Variants in RNF215 observed in about 807,000 individuals in gnomAD.
RNF215 encodes ring finger protein 215.
Under a neutral mutation model 44.8 loss-of-function variants are expected in RNF215, and 41 were observed. The ratio of observed to expected loss-of-function variants is 0.92; its 90% CI spans 0.71 to 1.19. The LOEUF is 1.19. Ranked by LOEUF, RNF215 falls within the 50% of genes most tolerant of loss-of-function variation. The pLI, the probability that RNF215 is intolerant of heterozygous loss-of-function variation, is 0.00. For missense variants in RNF215, 452 were observed against 496.2 expected, an observed-to-expected ratio of 0.91 and a Z score of 0.85; for synonymous variants, 218 against 230.1, an observed-to-expected ratio of 0.95 and a Z score of 0.48.
At chr22:30,385,113 G>A (rs917362992) in intron 4 of RNF215, among the ~76,000 whole-genome samples, 19 of 151,056 alleles carry the variant, frequency 1.3e-4, no homozygotes, top group African/African-American at 4.4e-4. Flanking sequence ...ATTCCCAGCC[G>A]AGAGGGCAGT....
At position 30,386,646 on chromosome 22, in the gene RNF215, C is replaced by T. The variant is rs1284200020; in HGVS notation, c.399G>A (p.Pro133=). 10 of 1,612,994 alleles carry T rather than the reference C, an allele frequency of 6.2e-6. No individual in the cohort carries two copies. The highest frequency in any genetic ancestry group is 5.1e-6 in the Non-Finnish European group (6 of 1,179,924). Residue 133 remains proline, a synonymous_variant, in exon 2 of 9, where the codon CCG becomes CCA. Transcript: ENST00000382363. ...QFHQENKGSG[P]QAYPKALVQQ... ...GGACCAGGGCCTTGGGATAGGCCTG[C>T]GGGCCACTGCCCTTATTCTCCTGGT...
At chr22:30,385,013 A>G (rs1933576767) in intron 4 of RNF215, among the ~76,000 whole-genome samples, 1 of 151,994 alleles carries the variant, frequency 6.6e-6, no homozygotes, top group South Asian at 2.1e-4. Context: ...GAGTCTTGCC[A>G]TGTTGCCCAG....
rs1358602556 is a variant in RNF215, at chr22:30,379,567, G to T, written c.*33C>A. On this transcript the variant is annotated 3_prime_UTR_variant, in exon 9 of 9. Coordinates refer to ENST00000382363, the MANE Select transcript of RNF215 (RefSeq NM_001017981.2). ...GAGGACCGGGGTGCAGGCAGGAAGG[G>T]TCCATCCCCATGTGCAGAGTCCAGC... 1 of 1,548,670 alleles carries T rather than the reference G, an allele frequency of 6.5e-7. No homozygotes were observed. Among genetic ancestry groups the T allele is most frequent in the Admixed American group, 2.0e-5 (1 of 51,008 alleles).
chr22:30,380,205 C>G lies in RNF215; in HGVS notation c.865G>C (p.Val289Leu). Residue 289 changes from valine to leucine, a missense_variant and splice_region_variant, in exon 7 of 9, where the codon GTG becomes CTG. Val to Leu is a conservative substitution (Grantham distance 32). Transcript: ENST00000382363. This position sits in a 1 kb window ranked among gnomAD's most constrained non-coding sequence, Gnocchi z 5.3. The part of the protein sequence containing the change: ...RQSQRELGGQ[V>L]DLFKRRVVRR... ...ACCACGCGGCGCTTAAACAGGTCCA[C>G]CTGTGGGGAGAGGACGGGCACAGTC... The G allele has an allele frequency of 6.2e-7, 1 of 1,613,644 alleles. No individual in the cohort carries two copies. The highest frequency in any genetic ancestry group is 8.5e-7 in the Non-Finnish European group (1 of 1,179,846).
In RNF215 at chr22:30,380,413, A is replaced by G; in HGVS notation, c.745-12T>C. On this transcript the variant is annotated splice_polypyrimidine_tract_variant and intron_variant, in intron 5 of 8. Transcript: ENST00000382363. The surrounding 1 kb of genome is among the most constrained non-coding windows in gnomAD (Gnocchi z 5.3). ...TGCTGCAGGGGTTTCTGGGGAGGGA[A>G]GCAGTCATCAGGGACATGGGGCCAC... The G allele has an allele frequency of 6.3e-7, 1 of 1,595,626 alleles. No homozygotes were observed. Among genetic ancestry groups the G allele is most frequent in the Non-Finnish European group, 8.5e-7 (1 of 1,170,118 alleles).
In RNF215 at chr22:30,383,443, A is replaced by G. The variant is rs897605118; in HGVS notation, c.744+896T>C. On this transcript the variant is annotated intron_variant, in intron 5 of 8. Coordinates refer to ENST00000382363, the MANE Select transcript of RNF215 (RefSeq NM_001017981.2). ...CCGTCCCTGTTTGCAAATGAGGAAC[A>G]TGAGGCCAGAGAGGTGAAACTCCCA... Among the ~76,000 whole-genome samples, 80 of 152,136 alleles carry G rather than the reference A, an allele frequency of 5.3e-4. 1 individual carries two copies. The highest frequency in any genetic ancestry group is 1.6e-3 in the African/African-American group (65 of 41,436).
chr22:30,385,388 C>G (rs959116610), intron 4 of RNF215, among the ~76,000 whole-genome samples: 55 of 149,646 alleles, frequency 3.7e-4, no homozygotes, highest in African/African-American at 1.3e-3. Context: ...CGCCACTGCA[C>G]TCCAGCCTGG....
chr22:30,383,504 T>C (rs1397911576), intron 5 of RNF215, among the ~76,000 whole-genome samples: 1 of 152,134 alleles, frequency 6.6e-6, no homozygotes, highest in African/African-American at 2.4e-5. Flanking sequence ...CAAGCCAGGA[T>C]TTGATCCCAA....
chr22:30,386,235 T>G, intron 2 of RNF215, 94 bp from the exon 3 acceptor site: 1 of 1,211,198 alleles, frequency 8.3e-7, no homozygotes, highest in Non-Finnish European at 1.2e-6. Flanking sequence ...CTCCTGGCCC[T>G]GCAGTGAGCA....
In RNF215 at chr22:30,379,362, TC is replaced by T. The variant is rs555810597; in HGVS notation, c.*237del. 5.3e-3 allele frequency: 3,100 copies of T among 585,284 alleles called. 116 individuals are homozygous for T. The South Asian group carries it at 0.06, about 11-fold the overall frequency. The allele number at this position is 585,284 out of a possible 1,614,324, so 36.3% of individuals were successfully genotyped here. ...TCACGTCACAGGATTGCAGAGAAGG[TC>T]CCAAAGTGACCTCTCTTCCTTGACT... On this transcript the variant is annotated 3_prime_UTR_variant, in exon 9 of 9. Coordinates refer to ENST00000382363, the MANE Select transcript of RNF215 (RefSeq NM_001017981.2).
chr22:30,383,922 C>G (rs1193029786), intron 5 of RNF215, among the ~76,000 whole-genome samples: 1 of 152,136 alleles, frequency 6.6e-6, no homozygotes, highest in Non-Finnish European at 1.5e-5. Context: ...GTGTCCACGT[C>G]TACAGCCAGG....
rs772373137 is a variant in RNF215 at position 30,380,072 on chromosome 22, CAGA to C, written c.995_997del (p.Phe332del). On this transcript the variant is annotated inframe_deletion, in exon 7 of 9. Coordinates refer to ENST00000382363, the MANE Select transcript of RNF215 (RefSeq NM_001017981.2). This position sits in a 1 kb window ranked among gnomAD's most constrained non-coding sequence, Gnocchi z 5.3. ...ACCCGGGGCACTAGCCTGTTTGTTG[CAGA>C]AGTAGTCCAGGCACACCGCACAGGT... 6.2e-6 allele frequency: 10 copies of C among 1,613,954 alleles called. No homozygotes were observed. The highest frequency in any genetic ancestry group is 8.5e-6 in the Non-Finnish European group (10 of 1,179,944).
chr22:30,386,085 G>A lies in RNF215; in HGVS notation c.486C>T (p.His162=). 6.2e-7 allele frequency: 1 copy of A among 1,611,912 alleles called. No homozygotes were observed. The highest frequency in any genetic ancestry group is 1.1e-5 in the South Asian group (1 of 90,902). ...TCCGATTTACCTCTCGGACCACGTT[G>A]TGGTTCAGGATGAGAAGAAGCAGGG... ...ASALLLLILN[H]NVVRELDISQ... The change falls in exon 3 of 9, where the codon CAC becomes CAT. Residue 162 remains histidine (H), a synonymous_variant. Transcript: ENST00000382363.
chr22:30,385,515 G>A (rs538441762), intron 4 of RNF215, among the ~76,000 whole-genome samples: 5 of 151,940 alleles, frequency 3.3e-5, no homozygotes, highest in East Asian at 3.9e-4. Context: ...CAGTGGCAAC[G>A]GGGGCTCCTG....
In RNF215 at chr22:30,385,952, A is replaced by G. The variant is rs1166623079; in HGVS notation, c.539T>C (p.Val180Ala). The change falls in exon 4 of 9, where the codon GTC (valine) becomes GCC (alanine). Residue 180 changes from valine (V) to alanine (A), a missense_variant. By Grantham distance (64) the Val-to-Ala change is moderately conservative. Transcript: ENST00000382363. ...GGTGACATTGGAGGAATAATGGAGG[A>G]CGATCACTGGCCTGAGCAGAAGCTG... The part of the protein sequence containing the change: ...ISQLLLRPVI[V>A]LHYSSNVTKL... 1.2e-6 allele frequency: 2 copies of G among 1,614,178 alleles called. No individual in the cohort carries two copies. The highest frequency in any genetic ancestry group is 2.2e-5 in the South Asian group (2 of 91,090).
At chr22:30,383,013 G>A (rs1894733095) in intron 5 of RNF215, among the ~76,000 whole-genome samples, 1 of 152,082 alleles carries the variant, frequency 6.6e-6, no homozygotes, top group South Asian at 2.1e-4. Context: ...GAGGTGGCAG[G>A]GTCACTTGAG....
Position 30,386,116 on chromosome 22 carries a change from G to A in RNF215, c.455C>T (p.Ala152Val). ...CAGGATGAGAAGAAGCAGGGCAGAG[G>A]CACCCAGGAAGAGGGCCCGCCGCAT... ...QQMRRALFLGASALLLLILNH... is the reference protein window; with the variant it reads ...QQMRRALFLGVSALLLLILNH... The change falls in exon 3 of 9, where the codon GCC becomes GTC. Residue 152 changes from alanine (A) to valine (V), a missense_variant. Coordinates refer to ENST00000382363, the MANE Select transcript of RNF215 (RefSeq NM_001017981.2). The A allele has an allele frequency of 6.3e-7, 1 of 1,597,078 alleles. No homozygotes were observed.
chr22:30,384,370 A>G lies in RNF215; in HGVS notation c.713T>C (p.Val238Ala), dbSNP rs767205809. 6.8e-6 allele frequency: 11 copies of G among 1,613,908 alleles called. No homozygotes were observed. Residue 238 changes from valine to alanine, a missense_variant, in exon 5 of 9, where the codon GTC (valine) becomes GCC (alanine). Transcript: ENST00000382363. ...KDGYGGWQDL[V>A]CLGGSRAQEQ... ...CTGGGCACGACTGCCTCCAAGGCAG[A>G]CCAAGTCCTGCCATCCTCCATAGCC... is the stretch of plus-strand genomic sequence containing the variant.
chr22:30,382,542 G>A lies in RNF215; in HGVS notation c.744+1797C>T, dbSNP rs183727898. Among the ~76,000 whole-genome samples, 7 of 152,244 alleles carry A rather than the reference G, an allele frequency of 4.6e-5. No homozygotes were observed. The East Asian group carries it at 1.2e-3, about 25-fold the overall frequency. The stretch of plus-strand genomic sequence containing the variant: ...AAAGTGACACTCCCCTGAGCCCCAT[G>A]CCAGGACTAAGTGGCCATTATGGCA... On this transcript the variant is annotated intron_variant, in intron 5 of 8. Coordinates refer to ENST00000382363, the MANE Select transcript of RNF215 (RefSeq NM_001017981.2).
Sources: allele counts gnomAD v4.1 joint callset (sites outside exome capture counted in the v4.1 genomes callset), GRCh38; gene constraint gnomAD v4.1.1; non-coding constraint Gnocchi (gnomAD v3.1); transcripts MANE v1.5; gene names NCBI Gene and HGNC (gene_info 2026-07-23, HGNC 2026-07-21).